Variants in WWOX observed in about 807,000 individuals in gnomAD.
WWOX encodes WW domain-containing oxidoreductase.
In WWOX, 69 loss-of-function variants were observed where a neutral mutation model predicts 46.2. That is an observed-to-expected ratio of 1.49 (90% confidence interval 1.23 to 1.82). WWOX has a LOEUF of 1.82. WWOX is among the 40% of genes most tolerant of loss of function. The pLI is 0.00. For missense variants in WWOX, 919 were observed against 542.6 expected (o/e 1.69, Z -6.89); for synonymous variants, 359 against 202.6 (o/e 1.77, Z -6.56).
At chr16:79,149,248 G>T (rs898886374) in intron 8 of WWOX, among the ~76,000 whole-genome samples, 1 of 152,110 alleles carries the variant, frequency 6.6e-6, no homozygotes, top group Non-Finnish European at 1.5e-5. Flanking sequence ...AAATGATAAT[G>T]GGTGTGTACT....
At chr16:78,649,430 G>C (rs1453060192) in intron 8 of WWOX, among the ~76,000 whole-genome samples, 1 of 151,800 alleles carries the variant, frequency 6.6e-6, no homozygotes, top group Admixed American at 6.6e-5. Context: ...ACTACAGGTG[G>C]GTACCACCAT....
At chr16:78,427,967 C>A (rs889677533) in intron 7 of WWOX, among the ~76,000 whole-genome samples, 2 of 152,070 alleles carry the variant, frequency 1.3e-5, no homozygotes, top group Non-Finnish European at 1.5e-5. Flanking sequence ...ATTTGGGAGG[C>A]TGAGGCAGGA....
intron 8 of WWOX, among the ~76,000 whole-genome samples, chr16:78,458,331 G>C (rs952880802): frequency 2.0e-5 from 3 of 149,000 alleles, no homozygotes; most frequent in African/African-American, 7.4e-5. Flanking sequence ...CGTGATCACA[G>C]CTCACTGCAG....
At chr16:79,207,166 CAGCTCTCTGATAAATGT>C (rs1341376720) in intron 8 of WWOX, among the ~76,000 whole-genome samples, 4 of 152,208 alleles carry the variant, frequency 2.6e-5, no homozygotes, top group African/African-American at 4.8e-5. Flanking sequence ...TCCACCGCAG[CAGCTCTCTGATAAATGT>C]AGCTCTCTGA....
intron 5 of WWOX, among the ~76,000 whole-genome samples, chr16:78,172,605 T>TC (rs1246661563): frequency 6.6e-6 from 1 of 151,916 alleles, no homozygotes; most frequent in Non-Finnish European, 1.5e-5. Context: ...TTTTTTTTTT[T>TC]CCTGGCCACC....
chr16:78,971,474 AGAG>A (rs1345374387), intron 8 of WWOX, among the ~76,000 whole-genome samples: 5 of 141,288 alleles, frequency 3.5e-5, no homozygotes, highest in Non-Finnish European at 7.5e-5. Context: ...AAAAAAAAAA[AGAG>A]AGAGATAGGC....
chr16:78,466,102 G>A (rs1191469317), intron 8 of WWOX, among the ~76,000 whole-genome samples: 2 of 151,796 alleles, frequency 1.3e-5, no homozygotes, highest in African/African-American at 2.4e-5. Flanking sequence ...CACCATCTCT[G>A]CTCACTGCAA....
chr16:78,917,333 C>T (rs1487666917), intron 8 of WWOX, among the ~76,000 whole-genome samples: 1 of 152,128 alleles, frequency 6.6e-6, no homozygotes, highest in Non-Finnish European at 1.5e-5. Flanking sequence ...CTGTGGTGTC[C>T]CACACTCAAA....
At chr16:79,103,636 C>G (rs1197666737) in intron 8 of WWOX, among the ~76,000 whole-genome samples, 2 of 152,146 alleles carry the variant, frequency 1.3e-5, no homozygotes, top group Non-Finnish European at 2.9e-5. Flanking sequence ...AAGATCTTAA[C>G]AAATCCAGTA....
chr16:79,128,667 C>T (rs1403149565), intron 8 of WWOX, among the ~76,000 whole-genome samples: 1 of 152,172 alleles, frequency 6.6e-6, no homozygotes, highest in Non-Finnish European at 1.5e-5. Flanking sequence ...CTGAGGAATT[C>T]TAATGTTTTA....
rs567824667 is a variant in WWOX at position 79,120,906 on chromosome 16, T to A, written c.1057-90702T>A. Among the ~76,000 whole-genome samples, 3 of 152,276 alleles carry A rather than the reference T, an allele frequency of 2.0e-5. No homozygotes were observed. The South Asian group carries it at 6.2e-4, about 32-fold the overall frequency. ...GCCGCAGCCTCCTGAGTAGATGGGA[T>A]TACAGGCGTGCGCCACCATGCCCGG... On this transcript the variant is annotated intron_variant, in intron 8 of 8. Transcript: ENST00000566780.
At chr16:78,737,480 G>C (rs1207556076) in intron 8 of WWOX, among the ~76,000 whole-genome samples, 2 of 151,846 alleles carry the variant, frequency 1.3e-5, no homozygotes, top group East Asian at 1.9e-4. Context: ...GGTGGTGTTT[G>C]GTTACATGAA....
At chr16:78,770,556 A>G (rs901984445) in intron 8 of WWOX, among the ~76,000 whole-genome samples, 4 of 151,798 alleles carry the variant, frequency 2.6e-5, no homozygotes, top group African/African-American at 7.3e-5. Context: ...TCACTGGGAA[A>G]CCGCTCTCTG....
chr16:78,557,286 A>C (rs1194201479), intron 8 of WWOX, among the ~76,000 whole-genome samples: 2 of 152,174 alleles, frequency 1.3e-5, no homozygotes, highest in Admixed American at 6.5e-5. Flanking sequence ...AGACATTTGG[A>C]AGCAAAGAGA....
intron 8 of WWOX, among the ~76,000 whole-genome samples, chr16:78,802,968 A>G (rs1314938437): frequency 1.5e-5 from 2 of 135,806 alleles, no homozygotes; most frequent in Non-Finnish European, 3.3e-5. Context: ...TGAACGAGTG[A>G]GTGGCAAGAA....
intron 8 of WWOX, among the ~76,000 whole-genome samples, chr16:78,456,791 G>A (rs565714748): frequency 1.3e-5 from 2 of 152,292 alleles, no homozygotes; most frequent in African/African-American, 4.8e-5. Context: ...TATTTAAAGT[G>A]CTGTGGCTTT....
intron 8 of WWOX, among the ~76,000 whole-genome samples, chr16:78,726,947 C>T (rs969611900): frequency 6.6e-6 from 1 of 152,142 alleles, no homozygotes; most frequent in African/African-American, 2.4e-5. Flanking sequence ...CTGCACAGTG[C>T]TGAGCTTTTG....
At chr16:79,066,315 C>G (rs991048096) in intron 8 of WWOX, among the ~76,000 whole-genome samples, 6 of 152,182 alleles carry the variant, frequency 3.9e-5, no homozygotes, top group African/African-American at 1.4e-4. Context: ...CAGGCAGTAC[C>G]TGCTTTACTC....
chr16:78,982,798 A>T (rs769793358), intron 8 of WWOX, among the ~76,000 whole-genome samples: 3 of 152,190 alleles, frequency 2.0e-5, no homozygotes, highest in Non-Finnish European at 2.9e-5. Context: ...CTCTTCTAAA[A>T]TATATTTTAT....
Sources: gnomAD v4.1 joint callset for allele counts (sites outside exome capture counted in the v4.1 genomes callset) on GRCh38, gnomAD v4.1.1 for gene constraint, MANE v1.5 for transcripts, NCBI Gene and HGNC (gene_info 2026-07-23, HGNC 2026-07-21) for gene names.